The following ENTPD1 variants were observed in gnomAD, a reference collection of about 807,000 sequenced individuals.
ENTPD1 encodes the protein ATP diphosphohydrolase.
A neutral mutation model predicts 57.0 loss-of-function variants in ENTPD1; 33 were observed. That is an observed-to-expected ratio of 0.58 (90% CI 0.44 to 0.77). The LOEUF (loss-of-function observed/expected upper bound fraction) is 0.77, where lower values mean the gene tolerates loss of function less well. ENTPD1 is among the 30% of genes least tolerant of loss of function. ENTPD1 has a pLI of 0.00. For missense variants in ENTPD1, 501 were observed against 603.4 expected, an observed-to-expected ratio of 0.83 and a Z score of 1.78; for synonymous variants, 202 against 218.8, an observed-to-expected ratio of 0.92 and a Z score of 0.68.
At chr10:95,774,833 G>T (rs375914875) in intron 1 of ENTPD1, among the ~76,000 whole-genome samples, 12 of 152,116 alleles carry the variant, frequency 7.9e-5, no homozygotes, top group Admixed American at 5.2e-4. Flanking sequence ...TGGTTCCATA[G>T]GAACTTTAAA....
intron 1 of ENTPD1, among the ~76,000 whole-genome samples, chr10:95,737,471 G>A (rs559129573): frequency 4.6e-5 from 7 of 151,382 alleles, no homozygotes; most frequent in Non-Finnish European, 1.0e-4. Flanking sequence ...TGCAAACTCT[G>A]CTTCCTGGGT....
Position 95,872,114 on chromosome 10 carries a change from TA to T in ENTPD1, c.*5732del, listed in dbSNP as rs1341460408. The T allele has an allele frequency of 2.0e-6, 2 of 985,336 alleles. No individual in the cohort carries two copies. The highest frequency in any genetic ancestry group is 3.5e-5 in the African/African-American group (2 of 57,244). The allele number at this position is 985,336 out of a possible 1,614,324, so 61.0% of individuals were successfully genotyped here. A position where few individuals can be genotyped will look rare whatever the true frequency, so the allele number is the denominator to read the frequency against. On this transcript the variant is annotated 3_prime_UTR_variant, in exon 10 of 10. Transcript: ENST00000371205. ...TTATTTCTCCTTCTAATATTACTGT[TA>T]TTGCTCCAGTAAAGAGCTGTAATAT...
rs3181115 is a variant in ENTPD1 at position 95,868,413 on chromosome 10, T to C, written c.*2030T>C. ...CATGTGCTTTGGATGGAAGCACATC[T>C]GGCATATGATGCTAATCAGTGGTTC... On this transcript the variant is annotated 3_prime_UTR_variant, in exon 10 of 10. Coordinates refer to ENST00000371205, the MANE Select transcript of ENTPD1 (RefSeq NM_001776.6). 98,529 of 985,430 alleles carry C rather than the reference T, an allele frequency of 0.1. 5,043 individuals are homozygous for C. The highest frequency in any genetic ancestry group is 0.13 in the Middle Eastern group (252 of 1,914). The allele number at this position is 985,430 out of a possible 1,614,324, so 61.0% of individuals were successfully genotyped here.
At chr10:95,766,000 T>A (rs548314693) in intron 1 of ENTPD1, among the ~76,000 whole-genome samples, 1 of 152,246 alleles carries the variant, frequency 6.6e-6, no homozygotes, top group East Asian at 1.9e-4. Context: ...ATAGATTTAC[T>A]TTTTTTGTTG....
intron 1 of ENTPD1, among the ~76,000 whole-genome samples, chr10:95,800,602 C>T (rs955333653): frequency 1.3e-5 from 2 of 152,118 alleles, no homozygotes; most frequent in African/African-American, 4.8e-5. Flanking sequence ...CAGACATTCC[C>T]AGAGTGGCTG....
At chr10:95,698,056 G>T in the ENTPD1 span, among the ~76,000 whole-genome samples, 1 of 152,288 alleles carries the variant, frequency 6.6e-6, no homozygotes, top group Non-Finnish European at 1.5e-5. Flanking sequence ...TTAGAGATTT[G>T]TTAAATGATT....
chr10:95,810,241 C>G (rs4918971), intron 1 of ENTPD1, among the ~76,000 whole-genome samples: 70,035 of 143,060 alleles, frequency 0.49, 17,471 homozygotes, highest in Admixed American at 0.59. Context: ...AGGCACTCCT[C>G]ACCTCCCAGA....
intron 1 of ENTPD1, among the ~76,000 whole-genome samples, chr10:95,769,872 G>A (rs1483060004): frequency 2.0e-5 from 3 of 152,182 alleles, no homozygotes; most frequent in Non-Finnish European, 4.4e-5. Flanking sequence ...GGCCTTCCAA[G>A]AAACTAGAAG....
rs994548149 is a variant in ENTPD1 at position 95,871,227 on chromosome 10, C to T, written c.*4844C>T. On this transcript the variant is annotated 3_prime_UTR_variant, in exon 10 of 10. Coordinates refer to ENST00000371205, the MANE Select transcript of ENTPD1 (RefSeq NM_001776.6). Reference sequence around the variant, plus strand: ...CAGGAAAAAAGTAAAGCATTAAATGCGATTATTTAATATACAATGTCTTAT... The same window carrying T: ...CAGGAAAAAAGTAAAGCATTAAATGTGATTATTTAATATACAATGTCTTAT... 40 of 985,274 alleles carry T rather than the reference C, an allele frequency of 4.1e-5. No individual in the cohort carries two copies. Among genetic ancestry groups the T allele is most frequent in the South Asian group, 3.8e-4 (8 of 21,280 alleles). The allele number at this position is 985,274 out of a possible 1,614,324, so 61.0% of individuals were successfully genotyped here.
At chr10:95,814,482 T>G (rs990777420) in intron 1 of ENTPD1, among the ~76,000 whole-genome samples, 35 of 151,830 alleles carry the variant, frequency 2.3e-4, no homozygotes, top group Admixed American at 2.0e-3. Flanking sequence ...CTGAGAAGAG[T>G]GTGTTGCCCA....
chr10:95,847,359 C>G, intron 6 of ENTPD1, 87 bp from the exon 7 acceptor site: 1 of 1,493,740 alleles, frequency 6.7e-7, no homozygotes, highest in Non-Finnish European at 9.3e-7. Context: ...GGATGTTGTA[C>G]AGTGCCTACA....
chr10:95,813,020 C>T (rs906373833), intron 1 of ENTPD1, among the ~76,000 whole-genome samples: 9 of 152,186 alleles, frequency 5.9e-5, no homozygotes, highest in African/African-American at 2.2e-4. Context: ...ATTAGTGAAT[C>T]CAACTATTTC....
intron 2 of ENTPD1, among the ~76,000 whole-genome samples, chr10:95,835,715 A>AT (rs2098408089): frequency 6.6e-6 from 1 of 152,102 alleles, no homozygotes; most frequent in South Asian, 2.1e-4. Context: ...TCAAAAGTGT[A>AT]TTGGCCACTT....
At chr10:95,757,643 G>T (rs989040608) in intron 1 of ENTPD1, among the ~76,000 whole-genome samples, 8 of 152,040 alleles carry the variant, frequency 5.3e-5, no homozygotes, top group African/African-American at 1.9e-4. Context: ...ATGGTCTTTT[G>T]CAAAAAGGAG....
intron 1 of ENTPD1, among the ~76,000 whole-genome samples, chr10:95,757,470 G>A (rs1463096654): frequency 6.6e-6 from 1 of 152,116 alleles, no homozygotes; most frequent in African/African-American, 2.4e-5. Context: ...CTGGTGCCCT[G>A]ACATTGTGGA....
chr10:95,873,157 G>A lies in ENTPD1; in HGVS notation c.*6774G>A. On this transcript the variant is annotated 3_prime_UTR_variant, in exon 10 of 10. Transcript: ENST00000371205. ...AGGTAAAGCCAATACATCTGTCCAG[G>A]AATCACACTTTGCGTATCAAAGGTC... The A allele has an allele frequency of 2.0e-6, 2 of 985,056 alleles. No homozygotes were observed. The highest frequency in any genetic ancestry group is 2.4e-6 in the Non-Finnish European group (2 of 829,646). 61.0% of individuals were successfully genotyped at this position (985,056 alleles called of 1,614,324 possible). A position where few individuals can be genotyped will look rare whatever the true frequency, so the allele number is the denominator to read the frequency against.
chr10:95,758,867 T>C (rs2098042916), intron 1 of ENTPD1, among the ~76,000 whole-genome samples: 1 of 152,164 alleles, frequency 6.6e-6, no homozygotes, highest in South Asian at 2.1e-4. Flanking sequence ...CAACCAATGG[T>C]TAAGGTGTCA....
the ENTPD1 span, among the ~76,000 whole-genome samples, chr10:95,700,796 T>C: frequency 7.0e-5 from 9 of 129,426 alleles, no homozygotes; most frequent in African/African-American, 2.4e-4. Context: ...AAGTATATTC[T>C]TTTTTTTTTT....
At chr10:95,851,097 A>G (rs2098444172) in intron 7 of ENTPD1, among the ~76,000 whole-genome samples, 1 of 152,230 alleles carries the variant, frequency 6.6e-6, no homozygotes, top group Non-Finnish European at 1.5e-5. Flanking sequence ...TTATGAGGTA[A>G]TTTAGAAATT....
Sources: gnomAD v4.1 joint callset for allele counts (sites outside exome capture counted in the v4.1 genomes callset) on GRCh38, gnomAD v4.1.1 for gene constraint, MANE v1.5 for transcripts, NCBI Gene and HGNC (gene_info 2026-07-23, HGNC 2026-07-21) for gene names.